The following NTM variants were observed in gnomAD, a reference collection of about 807,000 sequenced individuals.
NTM encodes the protein neurotrimin.
In NTM, 13 loss-of-function variants were observed where a neutral mutation model predicts 42.1. That is an observed-to-expected ratio of 0.31 (90% CI 0.20 to 0.49). The LOEUF is 0.49. Among genes scored for constraint, NTM ranks in the 20% least tolerant of loss-of-function variants. NTM has a pLI of 0.99. For missense variants in NTM, 373 were observed against 452.8 expected, an observed-to-expected ratio of 0.82 and a Z score of 1.60; for synonymous variants, 187 against 179.2, an observed-to-expected ratio of 1.04 and a Z score of -0.35.
intron 2 of NTM, among the ~76,000 whole-genome samples, chr11:132,101,556 T>TGTGTGTGTGTG (rs1555261897): frequency 0.012 from 1,545 of 131,128 alleles, 24 homozygotes; most frequent in African/African-American, 0.036. Flanking sequence ...GAACACAACC[T>TGTGTGTGTGTG]TGTGTGTGTG....
intron 1 of NTM, among the ~76,000 whole-genome samples, chr11:131,411,539 C>CTG (rs1491399486): frequency 1.2e-5 from 1 of 82,048 alleles, no homozygotes; most frequent in Admixed American, 1.3e-4. Flanking sequence ...TTAGGGGGGG[C>CTG]CGTGTGTGTG....
chr11:132,178,645 T>G (rs928979053), intron 3 of NTM, among the ~76,000 whole-genome samples: 1 of 152,230 alleles, frequency 6.6e-6, no homozygotes, highest in Admixed American at 6.5e-5. Context: ...TGACGCCTTG[T>G]GTATTTTTTG....
intron 2 of NTM, among the ~76,000 whole-genome samples, chr11:132,063,045 T>C (rs1221656440): frequency 6.6e-6 from 1 of 152,102 alleles, no homozygotes; most frequent in Non-Finnish European, 1.5e-5. Context: ...TTTTCACAGC[T>C]CTGGAAGCTA....
At chr11:131,472,112 CAG>C (rs1952493371) in intron 1 of NTM, among the ~76,000 whole-genome samples, 1 of 152,190 alleles carries the variant, frequency 6.6e-6, no homozygotes, top group Non-Finnish European at 1.5e-5. Flanking sequence ...CTGGCCCCCT[CAG>C]AGGCTGTAAT....
At chr11:132,293,538 A>G (rs2094520319) in intron 4 of NTM, among the ~76,000 whole-genome samples, 1 of 152,148 alleles carries the variant, frequency 6.6e-6, no homozygotes, top group African/African-American at 2.4e-5. Context: ...ATGAAGGGTT[A>G]TATGAAACAG....
chr11:132,273,317 T>C (rs918369841), intron 4 of NTM, among the ~76,000 whole-genome samples: 1 of 142,466 alleles, frequency 7.0e-6, no homozygotes, highest in South Asian at 2.3e-4. Context: ...GTGTTTTTTT[T>C]TTTTTTTTTT....
At chr11:132,148,363 G>A (rs2071054824) in intron 3 of NTM, among the ~76,000 whole-genome samples, 1 of 152,060 alleles carries the variant, frequency 6.6e-6, no homozygotes, top group South Asian at 2.1e-4. Flanking sequence ...CACTCTGTGG[G>A]CAGGGCTGGT....
chr11:132,012,965 G>A (rs971097095), intron 2 of NTM, among the ~76,000 whole-genome samples: 1 of 152,090 alleles, frequency 6.6e-6, no homozygotes, highest in Non-Finnish European at 1.5e-5. Context: ...GGAAGAATAT[G>A]GAGTTAATTT....
chr11:131,494,103 A>T (rs953158518), intron 1 of NTM, among the ~76,000 whole-genome samples: 1 of 152,164 alleles, frequency 6.6e-6, no homozygotes, highest in Admixed American at 6.5e-5. Flanking sequence ...ACCCTTCAAG[A>T]TCTTATATAT....
intron 2 of NTM, among the ~76,000 whole-genome samples, chr11:132,134,202 C>T (rs2067321121): frequency 1.3e-5 from 2 of 152,144 alleles, no homozygotes; most frequent in Non-Finnish European, 2.9e-5. Flanking sequence ...GGATTACAGG[C>T]GTGAGCCACC....
At chr11:131,998,409 C>T (rs1384490835) in intron 2 of NTM, among the ~76,000 whole-genome samples, 3 of 152,170 alleles carry the variant, frequency 2.0e-5, no homozygotes, top group Non-Finnish European at 1.5e-5. Context: ...TCCTGGGCCC[C>T]CCTTGTCCTA....
intron 1 of NTM, among the ~76,000 whole-genome samples, chr11:131,773,745 A>T (rs1019866889): frequency 1.3e-5 from 2 of 152,246 alleles, no homozygotes. Context: ...ATCTAAAGTC[A>T]CATACTGTCT....
At chr11:132,044,451 G>A (rs920818184) in intron 2 of NTM, among the ~76,000 whole-genome samples, 2 of 152,086 alleles carry the variant, frequency 1.3e-5, no homozygotes, top group African/African-American at 4.8e-5. Context: ...ATAAATTGTA[G>A]AATTCAGTAG....
At chr11:131,685,361 G>A (rs2073711947) in intron 1 of NTM, among the ~76,000 whole-genome samples, 1 of 152,168 alleles carries the variant, frequency 6.6e-6, no homozygotes, top group Non-Finnish European at 1.5e-5. Context: ...GGGGCTCATG[G>A]AGAGTCGGGC....
At position 131,565,117 on chromosome 11, in the gene NTM, G is replaced by A. The variant is rs181305642; in HGVS notation, c.82+194229G>A. 5.9e-5 allele frequency among the ~76,000 whole-genome samples: 9 copies of A among 152,260 alleles called. No individual in the cohort carries two copies. In the East Asian group the frequency reaches 9.7e-4, roughly 16 times the overall value. ...CTGAGGGAGCTGCAGACACCCTGGC[G>A]CGCATGTTGGTGGTCTGCTCACCCC... is the stretch of plus-strand genomic sequence containing the variant. On this transcript the variant is annotated intron_variant, in intron 1 of 8. Transcript: ENST00000683400.
At chr11:131,436,425 G>A (rs1007260445) in intron 1 of NTM, among the ~76,000 whole-genome samples, 2 of 151,996 alleles carry the variant, frequency 1.3e-5, no homozygotes, top group Non-Finnish European at 2.9e-5. Flanking sequence ...GACTTTTTTT[G>A]GTTGGTGGGC....
At chr11:131,762,989 G>C (rs974483157) in intron 1 of NTM, among the ~76,000 whole-genome samples, 1 of 152,200 alleles carries the variant, frequency 6.6e-6, no homozygotes, top group Non-Finnish European at 1.5e-5. Context: ...CAAACAACGG[G>C]CTCGGTTCTG....
intron 2 of NTM, among the ~76,000 whole-genome samples, chr11:132,011,566 ATTAC>A (rs1173608311): frequency 1.3e-5 from 2 of 152,184 alleles, no homozygotes; most frequent in African/African-American, 4.8e-5. Context: ...TTACAATTTT[ATTAC>A]TTACTGTGTA....
intron 1 of NTM, among the ~76,000 whole-genome samples, chr11:131,419,315 A>C (rs959292525): frequency 6.6e-6 from 1 of 152,196 alleles, no homozygotes; most frequent in Non-Finnish European, 1.5e-5. Context: ...TATGTGTATG[A>C]AAATCTGTTA....
Sources: gnomAD v4.1 joint callset for allele counts (sites outside exome capture counted in the v4.1 genomes callset) on GRCh38, gnomAD v4.1.1 for gene constraint, MANE v1.5 for transcripts, NCBI Gene and HGNC (gene_info 2026-07-23, HGNC 2026-07-21) for gene names.